ASPRV1: variants seen among roughly 807,000 people sequenced by gnomAD.
ASPRV1 encodes the protein retroviral-like aspartic protease 1.
In ASPRV1, 7 loss-of-function variants were observed where a neutral mutation model predicts 11.0. The observed-to-expected ratio is 0.64, with a 90% CI of 0.36 to 1.20. ASPRV1 has a LOEUF of 1.20. Among genes scored for constraint, ASPRV1 ranks in the 50% most tolerant of loss-of-function variants. The pLI is 0.02. For synonymous variants in ASPRV1, 136 were observed against 138.4 expected (o/e 0.98, Z 0.12); for missense variants, 299 against 320.0 (o/e 0.93, Z 0.50).
At chr2:70,070,185 A>C in the ASPRV1 span, 4 of 150,740 alleles carry the variant, frequency 2.7e-5, no homozygotes, top group South Asian at 2.1e-4. Flanking sequence ...ATCTCAAAAA[A>C]AAAAAAAAAA....
chr2:69,951,518 TAC>T, the ASPRV1 span, among the ~76,000 whole-genome samples: 12 of 147,824 alleles, frequency 8.1e-5, no homozygotes, highest in South Asian at 2.1e-4. Context: ...TATAGATCTA[TAC>T]ACACACACTC....
chr2:69,992,676 G>A, the ASPRV1 span, among the ~76,000 whole-genome samples: 2 of 152,176 alleles, frequency 1.3e-5, no homozygotes, highest in East Asian at 1.9e-4. Flanking sequence ...CTCCATTCTC[G>A]CCTTGGGGAC....
At chr2:69,937,912 C>T in the ASPRV1 span, among the ~76,000 whole-genome samples, 1 of 152,046 alleles carries the variant, frequency 6.6e-6, no homozygotes, top group African/African-American at 2.4e-5. Context: ...CCACACCCAG[C>T]CAAATTTTTG....
At chr2:70,001,485 T>C in the ASPRV1 span, among the ~76,000 whole-genome samples, 3 of 151,664 alleles carry the variant, frequency 2.0e-5, no homozygotes, top group Admixed American at 6.6e-5. Context: ...TGGCTGGGGT[T>C]GGTGGTTCAC....
chr2:70,069,670 G>A, the ASPRV1 span, among the ~76,000 whole-genome samples: 1 of 152,046 alleles, frequency 6.6e-6, no homozygotes, highest in South Asian at 2.1e-4. Flanking sequence ...CCCCACAAAG[G>A]CTTGGCAAAA....
chr2:70,019,389 G>C, the ASPRV1 span, among the ~76,000 whole-genome samples: 1 of 152,170 alleles, frequency 6.6e-6, no homozygotes. Context: ...ACTACCATAT[G>C]ATCCAGCAAT....
the ASPRV1 span, among the ~76,000 whole-genome samples, chr2:70,021,730 GTCTC>G: frequency 2.6e-5 from 4 of 150,988 alleles, no homozygotes; most frequent in Non-Finnish European, 4.4e-5. Flanking sequence ...TTGAGACAGA[GTCTC>G]TCTCTGTCAC....
chr2:70,041,355 A>T, the ASPRV1 span, among the ~76,000 whole-genome samples: 1 of 152,240 alleles, frequency 6.6e-6, no homozygotes, highest in African/African-American at 2.4e-5. Context: ...TTTGGTTACT[A>T]GCTAAGCCAA....
the ASPRV1 span, among the ~76,000 whole-genome samples, chr2:69,974,467 C>T: frequency 9.2e-5 from 14 of 151,986 alleles, no homozygotes; most frequent in Non-Finnish European, 1.9e-4. Flanking sequence ...CTGGGTTTAA[C>T]CATTGGTTCA....
chr2:70,030,498 A>C, the ASPRV1 span: 1 of 152,094 alleles, frequency 6.6e-6, no homozygotes, highest in Non-Finnish European at 1.5e-5. Flanking sequence ...GGGAGGGTGG[A>C]CTACTCCAGT....
At chr2:69,953,148 G>T in the ASPRV1 span, among the ~76,000 whole-genome samples, 102 of 152,370 alleles carry the variant, frequency 6.7e-4, no homozygotes, top group Admixed American at 2.5e-3. Context: ...ACTGTTGCGT[G>T]TAAGACCCAA....
At chr2:69,943,730 C>T in the ASPRV1 span, among the ~76,000 whole-genome samples, 5 of 152,280 alleles carry the variant, frequency 3.3e-5, no homozygotes, top group East Asian at 7.7e-4. Context: ...AGCACACAAA[C>T]CCCTGCCTCA....
chr2:69,961,245 AC>A lies in ASPRV1; in HGVS notation c.191del (p.Gly64ValfsTer17), dbSNP rs1436542841. On this transcript the variant is annotated frameshift_variant, in exon 1 of 1. Transcript: ENST00000320256. LOFTEE classifies it high-confidence loss of function. ...CCTGGGGACTGAGCCTATTGTAGAC[AC>A]CCAGGGCCTCTCCTCTGAGGGACTC... ...LKESLRGEAL[G>X]VYNRLSPQDQ... The A allele has an allele frequency of 6.2e-7, 1 of 1,614,008 alleles. No individual in the cohort carries two copies. The highest frequency in any genetic ancestry group is 2.2e-5 in the East Asian group (1 of 44,884).
At chr2:70,043,946 C>CA in the ASPRV1 span, among the ~76,000 whole-genome samples, 7 of 152,132 alleles carry the variant, frequency 4.6e-5, no homozygotes, top group African/African-American at 1.7e-4. Flanking sequence ...TGTCTTTTCT[C>CA]AGACAAAACT....
At chr2:69,945,744 G>A in the ASPRV1 span, among the ~76,000 whole-genome samples, 1 of 152,230 alleles carries the variant, frequency 6.6e-6, no homozygotes, top group Admixed American at 6.5e-5. Context: ...ACCACAGGAA[G>A]AGCCAGGACG....
At chr2:70,064,405 A>G in the ASPRV1 span, among the ~76,000 whole-genome samples, 3 of 151,828 alleles carry the variant, frequency 2.0e-5, no homozygotes, top group African/African-American at 7.3e-5. Context: ...CTAGTGAAGG[A>G]CACAGACAAC....
the ASPRV1 span, chr2:70,077,512 T>G: frequency 6.6e-6 from 1 of 152,202 alleles, no homozygotes; most frequent in South Asian, 2.1e-4. Flanking sequence ...ACACTTATTA[T>G]GAAACTTTTT....
chr2:70,073,551 G>A, the ASPRV1 span, among the ~76,000 whole-genome samples: 33 of 152,106 alleles, frequency 2.2e-4, no homozygotes, highest in African/African-American at 7.0e-4. Flanking sequence ...ACTTTGTTAA[G>A]TATTTAAAAC....
chr2:69,945,027 TGAG>T, the ASPRV1 span, among the ~76,000 whole-genome samples: 1 of 152,096 alleles, frequency 6.6e-6, no homozygotes, highest in Non-Finnish European at 1.5e-5. Flanking sequence ...ATGACCTAGA[TGAG>T]GAGGGCCACA....
Sources: allele counts gnomAD v4.1 joint callset (sites outside exome capture counted in the v4.1 genomes callset), GRCh38; gene constraint gnomAD v4.1.1; transcripts MANE v1.5; gene names NCBI Gene and HGNC (gene_info 2026-07-23, HGNC 2026-07-21).